EYA3: variants seen among roughly 807,000 people sequenced by gnomAD.
EYA3 encodes protein phosphatase EYA3.
In EYA3, 39 loss-of-function variants were observed where a neutral mutation model predicts 80.0. The ratio of observed to expected loss-of-function variants is 0.49; its 90% CI spans 0.38 to 0.64. The LOEUF is 0.64. Among genes scored for constraint, EYA3 ranks in the 30% least tolerant of loss-of-function variants. EYA3 has a pLI of 0.00. For synonymous variants in EYA3, 206 were observed against 232.8 expected, an observed-to-expected ratio of 0.88 and a Z score of 1.05; for missense variants, 523 against 676.1, an observed-to-expected ratio of 0.77 and a Z score of 2.51.
chr1:28,062,532 C>G (rs1644667630), intron 1 of EYA3, among the ~76,000 whole-genome samples: 1 of 152,218 alleles, frequency 6.6e-6, no homozygotes, highest in Middle Eastern at 3.4e-3. Flanking sequence ...CTCATAGTTT[C>G]TGTTTTGTCC....
chr1:28,035,946 C>G (rs1442186357), intron 5 of EYA3, among the ~76,000 whole-genome samples: 1 of 152,096 alleles, frequency 6.6e-6, no homozygotes, highest in Non-Finnish European at 1.5e-5. Flanking sequence ...TCCCAAATAC[C>G]TGGGATTACA....
rs1645687453 is a variant in EYA3, at chr1:28,087,189, C to G, written c.-69+1335G>C. 2.0e-5 allele frequency among the ~76,000 whole-genome samples: 3 copies of G among 152,230 alleles called. No individual in the cohort carries two copies. The South Asian group carries it at 6.2e-4, about 32-fold the overall frequency. On this transcript the variant is annotated intron_variant, in intron 1 of 17. Transcript: ENST00000373871. ...AATAAAGATTACCCAAGCCTATACT[C>G]TAGATCACAAAATTTGGGAAAGGGA...
intron 16 of EYA3, among the ~76,000 whole-genome samples, chr1:27,982,967 T>G (rs1639411453): frequency 6.6e-6 from 1 of 152,236 alleles, no homozygotes; most frequent in Non-Finnish European, 1.5e-5. Flanking sequence ...ATCAATTTTC[T>G]GTTCATGGAC....
At chr1:27,983,507 C>T (rs1639449294) in intron 16 of EYA3, among the ~76,000 whole-genome samples, 1 of 152,132 alleles carries the variant, frequency 6.6e-6, no homozygotes, top group African/African-American at 2.4e-5. Context: ...ATTTGCAGTT[C>T]CTTAATTTGT....
Position 27,988,656 on chromosome 1 carries a change from T to A in EYA3, c.1419A>T (p.Arg473Ser). The A allele has an allele frequency of 6.2e-7, 1 of 1,613,170 alleles. No individual in the cohort carries two copies. The highest frequency in any genetic ancestry group is 8.5e-7 in the Non-Finnish European group (1 of 1,179,788). ...ALKSLLLIQS[R>S]KNCVNVLITT... ...TGATCAGAACATTCACACAATTCTT[T>A]CTATAAGGGAGTAAAAGGGAAAAGA... is the stretch of plus-strand genomic sequence containing the variant. Residue 473 changes from arginine (R) to serine (S), a missense_variant and splice_region_variant, in exon 16 of 18, where the codon AGA becomes AGT. Physicochemically the swap from Arg to Ser is moderately radical, Grantham distance 110. Coordinates refer to ENST00000373871, the MANE Select transcript of EYA3 (RefSeq NM_001990.4).
chr1:28,035,833 G>C (rs1643422794), intron 5 of EYA3, among the ~76,000 whole-genome samples, 153 bp from the exon 6 acceptor site: 2 of 150,088 alleles, frequency 1.3e-5, no homozygotes, highest in Non-Finnish European at 2.9e-5. Flanking sequence ...TTTTATTTTT[G>C]AGACAGAGTC....
intron 4 of EYA3, among the ~76,000 whole-genome samples, chr1:28,041,742 T>C (rs2148861879): frequency 6.6e-6 from 1 of 152,224 alleles, no homozygotes; most frequent in African/African-American, 2.4e-5. Context: ...ACTCCTGGCC[T>C]CAGGTGATCC....
intron 1 of EYA3, among the ~76,000 whole-genome samples, chr1:28,066,223 CTGA>C (rs1368746064): frequency 1.3e-5 from 2 of 152,100 alleles, no homozygotes; most frequent in Non-Finnish European, 2.9e-5. Context: ...CAATTTTAAA[CTGA>C]TGAATTATTT....
At chr1:27,997,124 G>A (rs1342371944) in intron 13 of EYA3, among the ~76,000 whole-genome samples, 196 bp downstream of exon 13, 1 of 152,036 alleles carries the variant, frequency 6.6e-6, no homozygotes, top group African/African-American at 2.4e-5. Flanking sequence ...CTTTCTTCTC[G>A]TGCTCCACGG....
chr1:27,997,967 G>A (rs970991884), intron 12 of EYA3, among the ~76,000 whole-genome samples: 1 of 152,172 alleles, frequency 6.6e-6, no homozygotes, highest in African/African-American at 2.4e-5. Context: ...ATTAGTGAGT[G>A]GCAGAAAGAG....
chr1:28,041,462 A>C (rs1643772759), intron 4 of EYA3, among the ~76,000 whole-genome samples: 1 of 152,188 alleles, frequency 6.6e-6, no homozygotes, highest in Non-Finnish European at 1.5e-5. Flanking sequence ...CTGAGGCAGG[A>C]GAATCACTTG....
intron 1 of EYA3, among the ~76,000 whole-genome samples, chr1:28,074,127 T>A: frequency 6.6e-6 from 1 of 152,222 alleles, no homozygotes. Flanking sequence ...CCTGTTACCA[T>A]CATAACAGAA....
At chr1:27,984,285 T>C (rs1476124442) in intron 16 of EYA3, among the ~76,000 whole-genome samples, 1 of 151,672 alleles carries the variant, frequency 6.6e-6, no homozygotes, top group East Asian at 1.9e-4. Context: ...AGTGATGCCT[T>C]GGCCTCCCAA....
intron 1 of EYA3, among the ~76,000 whole-genome samples, chr1:28,075,604 TGAGGAGCTA>T (rs1456700921): frequency 6.6e-6 from 1 of 152,220 alleles, no homozygotes; most frequent in Non-Finnish European, 1.5e-5. Flanking sequence ...TCAAGGCTAC[TGAGGAGCTA>T]GAGGGAAAAG....
rs1224192629 is a variant in EYA3, at chr1:27,970,619, A to AG, written c.*3846dup. The AG allele has an allele frequency of 6.6e-6, 1 of 152,392 alleles. No homozygotes were observed. Among genetic ancestry groups the AG allele is most frequent in the East Asian group, 1.9e-4 (1 of 5,194 alleles). The allele number at this position is 152,392 out of a possible 1,614,324, so 9.4% of individuals were successfully genotyped here. On this transcript the variant is annotated 3_prime_UTR_variant, in exon 18 of 18. Transcript: ENST00000373871. Reference sequence around the variant, plus strand: ...GAGCTGTCTGACTCAGAGGAGAGGAAGGGACAGATGGCCTGCTGACTGGGG... The same window carrying AG: ...GAGCTGTCTGACTCAGAGGAGAGGAAGGGGACAGATGGCCTGCTGACTGGGG...
intron 1 of EYA3, among the ~76,000 whole-genome samples, chr1:28,076,012 C>T (rs536286932): frequency 1.3e-5 from 2 of 152,340 alleles, no homozygotes; most frequent in East Asian, 1.9e-4. Context: ...ACTCAGCTAA[C>T]CTCTCTTAAG....
intron 7 of EYA3, among the ~76,000 whole-genome samples, 157 bp from the exon 8 acceptor site, chr1:28,017,396 T>G (rs1267346924): frequency 6.6e-6 from 1 of 152,234 alleles, no homozygotes; most frequent in African/African-American, 2.4e-5. Context: ...GTGGGATAGC[T>G]ACATTTACAC....
At position 28,009,755 on chromosome 1, in the gene EYA3, G is replaced by A. The variant is rs980854504; in HGVS notation, c.909+1192C>T. ...TTATATGAGATATCTAGAATAAGAAGTCAAAGACAGAAAGTAGAATAGAGG... is the reference window on the plus strand; with the variant it reads ...TTATATGAGATATCTAGAATAAGAAATCAAAGACAGAAAGTAGAATAGAGG... On this transcript the variant is annotated intron_variant, in intron 10 of 17. Transcript: ENST00000373871. The surrounding 1 kb of genome is among the most constrained non-coding windows in gnomAD (Gnocchi z 4.8). Among the ~76,000 whole-genome samples, 1 of 152,192 alleles carries A rather than the reference G, an allele frequency of 6.6e-6. No homozygotes were observed. The highest frequency in any genetic ancestry group is 2.4e-5 in the African/African-American group (1 of 41,444).
intron 17 of EYA3, chr1:27,977,418 G>C: frequency 6.5e-7 from 1 of 1,545,830 alleles, no homozygotes; most frequent in Non-Finnish European, 8.7e-7. Context: ...GGATAGGGAG[G>C]GAAAGAACTT....
Sources: allele counts gnomAD v4.1 joint callset (sites outside exome capture counted in the v4.1 genomes callset), GRCh38; gene constraint gnomAD v4.1.1; non-coding constraint Gnocchi (gnomAD v3.1); transcripts MANE v1.5; gene names NCBI Gene and HGNC (gene_info 2026-07-23, HGNC 2026-07-21).